ZNG1B: variants seen among roughly 807,000 people sequenced by gnomAD.
The protein encoded by ZNG1B is zinc-regulated GTPase metalloprotein activator 1B.
chr2:113,462,857 T>C, the ZNG1B span: 1 of 365,834 alleles, frequency 2.7e-6, no homozygotes, highest in East Asian at 4.3e-5. Context: ...TCTTTACTCA[T>C]AATGTATTCT....
At chr2:113,477,039 G>T in the ZNG1B span, among the ~76,000 whole-genome samples, 1 of 152,210 alleles carries the variant, frequency 6.6e-6, no homozygotes, top group Non-Finnish European at 1.5e-5. Context: ...GCTGTGGTGG[G>T]CTCCACCCAG....
the ZNG1B span, among the ~76,000 whole-genome samples, chr2:113,463,191 A>C: frequency 2.6e-5 from 4 of 152,132 alleles, no homozygotes; most frequent in Non-Finnish European, 2.9e-5. Context: ...TTTGAAAACA[A>C]AGATGGACTT....
At chr2:113,455,969 C>T in the ZNG1B span, among the ~76,000 whole-genome samples, 84 of 151,208 alleles carry the variant, frequency 5.6e-4, no homozygotes, top group Admixed American at 1.7e-3. Flanking sequence ...CCACCCGCCT[C>T]GGCCTCCCAA....
chr2:113,455,715 C>A, the ZNG1B span: 7 of 630,596 alleles, frequency 1.1e-5, no homozygotes, highest in East Asian at 3.0e-4. Flanking sequence ...CATATCTGAA[C>A]GTGTTAATTT....
At chr2:113,471,170 C>T in the ZNG1B span, 7 of 1,260,746 alleles carry the variant, frequency 5.6e-6, no homozygotes, top group East Asian at 2.3e-5. Context: ...TGCACAATTG[C>T]ATCCATGATT....
At chr2:113,443,500 G>T in the ZNG1B span, among the ~76,000 whole-genome samples, 1 of 150,552 alleles carries the variant, frequency 6.6e-6, no homozygotes, top group South Asian at 2.1e-4. Context: ...AGAAATGGGG[G>T]TGGCCAAGTA....
the ZNG1B span, among the ~76,000 whole-genome samples, chr2:113,456,285 CA>C: frequency 6.6e-6 from 1 of 152,128 alleles, no homozygotes; most frequent in African/African-American, 2.4e-5. Context: ...AGAAAAATTC[CA>C]ATGACTGTTG....
the ZNG1B span, among the ~76,000 whole-genome samples, chr2:113,454,104 C>A: frequency 1.3e-5 from 2 of 151,922 alleles, no homozygotes. Flanking sequence ...TAAGCTGGGC[C>A]CCATCATTGA....
At chr2:113,487,263 G>A in the ZNG1B span, among the ~76,000 whole-genome samples, 1 of 151,968 alleles carries the variant, frequency 6.6e-6, no homozygotes, top group Non-Finnish European at 1.5e-5. Flanking sequence ...GCTTAGGTGT[G>A]TAGTAGGTTA....
the ZNG1B span, among the ~76,000 whole-genome samples, chr2:113,456,268 T>G: frequency 6.6e-6 from 1 of 152,176 alleles, no homozygotes. Context: ...GTATTACAGT[T>G]TCACGCAGAA....
the ZNG1B span, among the ~76,000 whole-genome samples, chr2:113,477,814 CT>C: frequency 5.3e-5 from 8 of 152,336 alleles, no homozygotes; most frequent in South Asian, 1.4e-3. Context: ...TGAATAGCAG[CT>C]TCCCATTTCC....
chr2:113,463,140 T>A, the ZNG1B span, among the ~76,000 whole-genome samples: 3 of 152,052 alleles, frequency 2.0e-5, no homozygotes, highest in African/African-American at 7.2e-5. Context: ...AAATATGTGC[T>A]AACAGTCATT....
the ZNG1B span, among the ~76,000 whole-genome samples, chr2:113,476,915 T>C: frequency 4.2e-4 from 63 of 151,598 alleles, 1 homozygote; most frequent in African/African-American, 1.5e-3. Flanking sequence ...CCACTGCTCT[T>C]TTCAAAGCTG....
chr2:113,453,292 G>A, the ZNG1B span: 1 of 1,548,532 alleles, frequency 6.5e-7, no homozygotes, highest in East Asian at 2.3e-5. Context: ...TGCCCAGACT[G>A]GAGTGCATGG....
chr2:113,449,258 G>A, the ZNG1B span, among the ~76,000 whole-genome samples: 1 of 152,024 alleles, frequency 6.6e-6, no homozygotes, highest in Non-Finnish European at 1.5e-5. Flanking sequence ...TATCATTTGT[G>A]TGTTTACTGG....
the ZNG1B span, among the ~76,000 whole-genome samples, chr2:113,472,423 C>G: frequency 1.3e-5 from 2 of 151,552 alleles, no homozygotes; most frequent in African/African-American, 4.8e-5. Context: ...AATTTTCTCC[C>G]ATTTTGTAGG....
At chr2:113,465,004 T>C in the ZNG1B span, 1 of 379,432 alleles carries the variant, frequency 2.6e-6, no homozygotes, top group Non-Finnish European at 4.8e-6. Context: ...TTTAATTTTT[T>C]TCTGGTTCCA....
chr2:113,477,260 G>A, the ZNG1B span, among the ~76,000 whole-genome samples: 6 of 152,266 alleles, frequency 3.9e-5, no homozygotes, highest in South Asian at 4.2e-4. Context: ...CGCAGTATTC[G>A]GGTGGGAGTG....
At chr2:113,472,662 A>G in the ZNG1B span, among the ~76,000 whole-genome samples, 2 of 152,008 alleles carry the variant, frequency 1.3e-5, no homozygotes, top group African/African-American at 2.4e-5. Flanking sequence ...TGATTTTTGT[A>G]TAAGGTGTAA....
Sources: gnomAD v4.1 joint callset for allele counts (sites outside exome capture counted in the v4.1 genomes callset) on GRCh38, gnomAD v4.1.1 for gene constraint, MANE v1.5 for transcripts, NCBI Gene and HGNC (gene_info 2026-07-23, HGNC 2026-07-21) for gene names.